Variants in ZMAT4 observed in about 807,000 individuals in gnomAD.
ZMAT4 encodes zinc finger matrin-type 4, also known as zinc finger matrin-type protein 4.
ZMAT4 carries 17 observed loss-of-function variants against 28.7 expected under a neutral mutation model. That is an observed-to-expected ratio of 0.59 (90% confidence interval 0.41 to 0.89). The LOEUF (loss-of-function observed/expected upper bound fraction) is 0.89, where lower values mean the gene tolerates loss of function less well. Among genes scored for constraint, ZMAT4 ranks in the 40% least tolerant of loss-of-function variants. The pLI is 0.00. For synonymous variants in ZMAT4, 117 were observed against 109.2 expected (o/e 1.07, Z -0.44); for missense variants, 240 against 283.8 (o/e 0.85, Z 1.11).
At chr8:40,761,858 A>T (rs1223619060) in intron 3 of ZMAT4, among the ~76,000 whole-genome samples, 1 of 152,256 alleles carries the variant, frequency 6.6e-6, no homozygotes. Flanking sequence ...GAGTCCCTTA[A>T]CAACTCTGAG....
intron 1 of ZMAT4, among the ~76,000 whole-genome samples, chr8:40,876,512 C>T (rs775097882): frequency 2.6e-5 from 4 of 151,822 alleles, no homozygotes; most frequent in Non-Finnish European, 5.9e-5. Flanking sequence ...GATGAGGTCT[C>T]GCTGTGTTGC....
At chr8:40,894,679 G>A (rs534802484) in intron 1 of ZMAT4, among the ~76,000 whole-genome samples, 61 of 151,894 alleles carry the variant, frequency 4.0e-4, no homozygotes, top group Non-Finnish European at 6.9e-4. Flanking sequence ...TGGAAATAGC[G>A]TGCTCCAACC....
rs1165388308 is a variant in ZMAT4 at position 40,612,298 on chromosome 8, C to T, written c.578-31037G>A. On this transcript the variant is annotated intron_variant, in intron 5 of 6. Coordinates refer to ENST00000297737, the MANE Select transcript of ZMAT4 (RefSeq NM_024645.3). ...ACTGCTCTGGGGCAATAGTACAGAC[C>T]CCAGGACCATTTTGTGTGTCAATAC... Among the ~76,000 whole-genome samples the T allele has an allele frequency of 9.9e-5, 9 of 91,010 alleles. 1 individual carries two copies. The highest frequency in any genetic ancestry group is 2.4e-4 in the African/African-American group (8 of 33,330). 59.7% of individuals were successfully genotyped at this position (91,010 alleles called of 152,430 possible).
At position 40,670,836 on chromosome 8, in the gene ZMAT4, A is replaced by G. The variant is rs576621299; in HGVS notation, c.577+3868T>C. ...GTAATCCCAGCACTTTGGGAGGCCAAGGTGGGCAGATCATGAGGTCAAGAG... is the reference window on the plus strand; with the variant it reads ...GTAATCCCAGCACTTTGGGAGGCCAGGGTGGGCAGATCATGAGGTCAAGAG... On this transcript the variant is annotated intron_variant, in intron 5 of 6. Coordinates refer to ENST00000297737, the MANE Select transcript of ZMAT4 (RefSeq NM_024645.3). Among the ~76,000 whole-genome samples the G allele has an allele frequency of 6.6e-5, 10 of 152,266 alleles. No individual in the cohort carries two copies. The South Asian group carries it at 2.1e-3, about 32-fold the overall frequency.
intron 2 of ZMAT4, among the ~76,000 whole-genome samples, chr8:40,824,213 T>C (rs1815935627): frequency 6.6e-6 from 1 of 152,200 alleles, no homozygotes; most frequent in Non-Finnish European, 1.5e-5. Context: ...AGCCTTCCAA[T>C]ATAAAATTAC....
At chr8:40,655,491 C>T (rs1807874922) in intron 5 of ZMAT4, among the ~76,000 whole-genome samples, 2 of 150,294 alleles carry the variant, frequency 1.3e-5, no homozygotes, top group African/African-American at 4.9e-5. Flanking sequence ...ACCCAAAACA[C>T]CAAAAAAGTC....
intron 5 of ZMAT4, among the ~76,000 whole-genome samples, chr8:40,601,638 A>AGGC (rs1805368757): frequency 3.9e-5 from 1 of 25,384 alleles, no homozygotes; most frequent in Non-Finnish European, 1.0e-4. Context: ...AAGAAAGAGA[A>AGGC]AGAAAGAAAG....
Position 40,560,766 on chromosome 8 carries a change from C to T in ZMAT4, c.674+20399G>A, listed in dbSNP as rs150962674. ...ATGACTTCGAGACTACAAGTTTTAC[C>T]TAGAAATGCCCCCACTGTCACTCAT... On this transcript the variant is annotated intron_variant, in intron 6 of 6. Coordinates refer to ENST00000297737, the MANE Select transcript of ZMAT4 (RefSeq NM_024645.3). 3.3e-3 allele frequency among the ~76,000 whole-genome samples: 507 copies of T among 152,086 alleles called. 4 individuals carry two copies. The highest frequency in any genetic ancestry group is 0.011 in the African/African-American group (445 of 41,404).
chr8:40,842,772 T>A lies in ZMAT4; in HGVS notation c.-4-17092A>T, dbSNP rs74843551. Among the ~76,000 whole-genome samples the A allele has an allele frequency of 3.8e-3, 574 of 152,292 alleles. 28 individuals are homozygous for A. The East Asian group carries it at 0.1, about 27-fold the overall frequency. ...AGTCAACCAGAGTCCTACAGGATAT[T>A]ATAAAATACATTTAGTTTTTAAGAT... is the stretch of plus-strand genomic sequence containing the variant. On this transcript the variant is annotated intron_variant, in intron 1 of 6. Coordinates refer to ENST00000297737, the MANE Select transcript of ZMAT4 (RefSeq NM_024645.3).
chr8:40,598,675 C>T (rs910289233), intron 5 of ZMAT4, among the ~76,000 whole-genome samples: 1 of 152,030 alleles, frequency 6.6e-6, no homozygotes, highest in African/African-American at 2.4e-5. Context: ...AATAAACATA[C>T]GTTGCACAAT....
intron 3 of ZMAT4, among the ~76,000 whole-genome samples, chr8:40,746,302 C>CTTCCTTTCCTTTTCTTTCCT (rs1812226283): frequency 1.4e-5 from 1 of 70,486 alleles, no homozygotes; most frequent in Non-Finnish European, 2.7e-5. Flanking sequence ...TTCTTTCTCC[C>CTTCCTTTCCTTTTCTTTCCT]TTCCTTTCCT....
intron 1 of ZMAT4, among the ~76,000 whole-genome samples, chr8:40,859,480 A>G (rs1211496006): frequency 1.3e-5 from 2 of 152,190 alleles, no homozygotes; most frequent in African/African-American, 4.8e-5. Context: ...ACATGCACAC[A>G]CACACACACC....
At chr8:40,621,564 A>G (rs1263587060) in intron 5 of ZMAT4, among the ~76,000 whole-genome samples, 1 of 152,224 alleles carries the variant, frequency 6.6e-6, no homozygotes, top group African/African-American at 2.4e-5. Flanking sequence ...GGGAATTTCA[A>G]GCGCAAGGTT....
At chr8:40,557,574 C>T (rs747560587) in intron 6 of ZMAT4, among the ~76,000 whole-genome samples, 1 of 152,196 alleles carries the variant, frequency 6.6e-6, no homozygotes, top group Non-Finnish European at 1.5e-5. Flanking sequence ...AAGTCAAGTA[C>T]CAGCTCTTCA....
chr8:40,542,536 A>G (rs1218381214), intron 6 of ZMAT4, among the ~76,000 whole-genome samples: 2 of 151,868 alleles, frequency 1.3e-5, no homozygotes, highest in African/African-American at 2.4e-5. Context: ...CTACACGTAC[A>G]TGCCACCACT....
At chr8:40,772,930 C>T (rs538315001) in intron 2 of ZMAT4, among the ~76,000 whole-genome samples, 13 of 152,164 alleles carry the variant, frequency 8.5e-5, no homozygotes, top group Admixed American at 2.0e-4. Flanking sequence ...CCGGCTGATG[C>T]GAGATGAGGG....
intron 2 of ZMAT4, among the ~76,000 whole-genome samples, chr8:40,796,338 C>A (rs988423011): frequency 4.6e-5 from 7 of 152,136 alleles, no homozygotes; most frequent in African/African-American, 1.7e-4. Context: ...CAATAAATGA[C>A]CCTGGCATGA....
intron 5 of ZMAT4, among the ~76,000 whole-genome samples, chr8:40,607,610 G>T (rs1159950390): frequency 6.6e-6 from 1 of 152,040 alleles, no homozygotes; most frequent in African/African-American, 2.4e-5. Flanking sequence ...ACCTTGTTTA[G>T]TCATATTACC....
intron 5 of ZMAT4, among the ~76,000 whole-genome samples, chr8:40,622,815 G>A (rs1806246477): frequency 6.6e-6 from 1 of 152,182 alleles, no homozygotes; most frequent in Non-Finnish European, 1.5e-5. Context: ...TTACCATGAA[G>A]AGAGTACATG....
Sources: allele counts gnomAD v4.1 joint callset (sites outside exome capture counted in the v4.1 genomes callset), GRCh38; gene constraint gnomAD v4.1.1; transcripts MANE v1.5; gene names NCBI Gene and HGNC (gene_info 2026-07-23, HGNC 2026-07-21).